PRRG1: variants seen among roughly 807,000 people sequenced by gnomAD.
The protein encoded by PRRG1 is proline rich and Gla domain 1.
A neutral mutation model predicts 11.8 loss-of-function variants in PRRG1; 5 were observed. The ratio of observed to expected loss-of-function variants is 0.42; its 90% CI spans 0.22 to 0.89. The LOEUF is 0.89. Ranked by LOEUF, PRRG1 falls within the 40% of genes least tolerant of loss-of-function variation. The probability of loss-of-function intolerance (pLI) is 0.28; values close to 1 mark genes in which losing one functional copy is unlikely to be tolerated. For synonymous variants in PRRG1, 66 were observed against 60.4 expected, an observed-to-expected ratio of 1.09 and a Z score of -0.43; for missense variants, 155 against 166.1, an observed-to-expected ratio of 0.93 and a Z score of 0.37.
intron 1 of PRRG1, among the ~76,000 whole-genome samples, chrX:37,404,197 C>G (rs1168750177): frequency 1.8e-5 from 2 of 111,799 alleles, no homozygotes; most frequent in Non-Finnish European, 3.8e-5. Context: ...TCTCTGATAT[C>G]ACTGTCCCTG....
intron 3 of PRRG1, chrX:37,440,655 T>C: frequency 2.2e-6 from 1 of 456,835 alleles, no homozygotes; most frequent in Non-Finnish European, 3.8e-6. Context: ...AGGAGGGTAT[T>C]AAGTAAAATG....
intron 1 of PRRG1, among the ~76,000 whole-genome samples, chrX:37,378,069 A>G (rs1805874649): frequency 8.9e-6 from 1 of 112,296 alleles, no homozygotes; most frequent in South Asian, 3.7e-4. Flanking sequence ...CAGAATAGCA[A>G]GGTGAGTAAG....
chrX:37,437,562 T>A (rs1267170699), intron 3 of PRRG1, among the ~76,000 whole-genome samples: 2 of 112,465 alleles, frequency 1.8e-5, no homozygotes, highest in Non-Finnish European at 3.8e-5. Context: ...TAAGCAGTAC[T>A]GTCATGGTTA....
At chrX:37,401,741 G>A (rs1255986764) in intron 1 of PRRG1, among the ~76,000 whole-genome samples, 3 of 111,036 alleles carry the variant, frequency 2.7e-5, no homozygotes, top group Non-Finnish European at 3.8e-5. Flanking sequence ...AAACCCCATT[G>A]TCTCAGCCCA....
intron 3 of PRRG1, among the ~76,000 whole-genome samples, chrX:37,447,005 C>T (rs1202081754): frequency 9.0e-6 from 1 of 111,384 alleles, no homozygotes; most frequent in East Asian, 2.8e-4. Flanking sequence ...CCCAACACTG[C>T]CACGCTGGTA....
intron 1 of PRRG1, among the ~76,000 whole-genome samples, chrX:37,371,214 A>G: frequency 8.9e-6 from 1 of 111,790 alleles, no homozygotes; most frequent in South Asian, 3.8e-4. Context: ...CAAGGAAAGG[A>G]TGAGATGTCC....
In PRRG1 at chrX:37,455,559, T is replaced by C. The variant is rs1921322832; in HGVS notation, c.*1938T>C. The C allele has an allele frequency of 8.9e-6, 1 of 112,070 alleles. No homozygotes were observed. Among genetic ancestry groups the C allele is most frequent in the Admixed American group, 9.5e-5 (1 of 10,536 alleles). 9.2% of individuals were successfully genotyped at this position (112,070 alleles called of 1,213,427 possible). On this transcript the variant is annotated 3_prime_UTR_variant, in exon 4 of 4. Transcript: ENST00000378628. ...TTCTGAAACTGTGCCAACTGAAAGA[T>C]GATAGTCCACACAGCACAAACAGGT...
intron 1 of PRRG1, among the ~76,000 whole-genome samples, chrX:37,402,190 C>T (rs1185422073): frequency 2.7e-5 from 3 of 111,307 alleles, no homozygotes; most frequent in Non-Finnish European, 5.7e-5. Flanking sequence ...CAATCCTAAG[C>T]CAAAAGAACA....
At chrX:37,359,738 C>T (rs1196644173) in intron 1 of PRRG1, among the ~76,000 whole-genome samples, 4 of 111,592 alleles carry the variant, frequency 3.6e-5, no homozygotes, top group Non-Finnish European at 5.7e-5. Context: ...TAGAATTCAG[C>T]GGTAAACCCA....
intron 2 of PRRG1, among the ~76,000 whole-genome samples, chrX:37,416,564 A>G (rs1932503586): frequency 8.9e-6 from 1 of 112,060 alleles, no homozygotes; most frequent in Admixed American, 9.5e-5. Flanking sequence ...TGCTGGTACA[A>G]TTGAGGCACC....
At chrX:37,372,985 T>C (rs116084276) in intron 1 of PRRG1, among the ~76,000 whole-genome samples, 4,753 of 112,201 alleles carry the variant, frequency 0.042, 261 homozygotes, top group African/African-American at 0.15. Flanking sequence ...TAGTGTGAGA[T>C]AATGGTCCAG....
rs546346509 is a variant in PRRG1, at chrX:37,382,798, A to C, written c.-41-23411A>C. Among the ~76,000 whole-genome samples, 5 of 111,628 alleles carry C rather than the reference A, an allele frequency of 4.5e-5. No homozygotes were observed. In the Admixed American group the frequency reaches 4.8e-4, roughly 11 times the overall value. On this transcript the variant is annotated intron_variant, in intron 1 of 3. Transcript: ENST00000378628. Reference sequence around the variant, plus strand: ...CAAATAAGATACACATGATTTCTGAAAGCATTAACTAAAATAGGACATCAT... The same window carrying C: ...CAAATAAGATACACATGATTTCTGACAGCATTAACTAAAATAGGACATCAT...
chrX:37,385,750 A>G (rs1393161108), intron 1 of PRRG1, among the ~76,000 whole-genome samples: 1 of 108,562 alleles, frequency 9.2e-6, no homozygotes, highest in African/African-American at 3.4e-5. Context: ...TCTGCTTCCA[A>G]GATGGCTTCC....
chrX:37,428,058 C>T (rs57819647), intron 3 of PRRG1, among the ~76,000 whole-genome samples: 3,945 of 110,882 alleles, frequency 0.036, 173 homozygotes, highest in African/African-American at 0.12. Flanking sequence ...GAGAACAGCA[C>T]GGGAAAGACT....
At chrX:37,442,233 T>C in intron 3 of PRRG1, 1 of 752,029 alleles carries the variant, frequency 1.3e-6, no homozygotes, top group Non-Finnish European at 1.6e-6. Flanking sequence ...AATAAAGGTG[T>C]CCAGTTGATG....
intron 2 of PRRG1, among the ~76,000 whole-genome samples, chrX:37,411,071 C>G (rs1556383669): frequency 9.0e-6 from 1 of 111,510 alleles, no homozygotes; most frequent in Admixed American, 9.6e-5. Flanking sequence ...TCTGTAGGTT[C>G]CACATCTGTA....
At chrX:37,440,138 G>C (rs1932949496) in intron 3 of PRRG1, among the ~76,000 whole-genome samples, 1 of 111,669 alleles carries the variant, frequency 9.0e-6, no homozygotes, top group Admixed American at 9.5e-5. Flanking sequence ...TGTCCTTTGG[G>C]ATAGACAAAG....
chrX:37,365,198 C>G (rs1556368945), intron 1 of PRRG1, among the ~76,000 whole-genome samples: 1 of 111,370 alleles, frequency 9.0e-6, no homozygotes, highest in Admixed American at 9.5e-5. Flanking sequence ...TTCTGGTGAA[C>G]AAGGGCCCTG....
intron 2 of PRRG1, among the ~76,000 whole-genome samples, chrX:37,407,678 A>G (rs1458514751): frequency 8.9e-6 from 1 of 112,127 alleles, no homozygotes; most frequent in Non-Finnish European, 1.9e-5. Context: ...AGAGTTCTAA[A>G]GTGTAATGGA....
Sources: gnomAD v4.1 joint callset for allele counts (sites outside exome capture counted in the v4.1 genomes callset) on GRCh38, gnomAD v4.1.1 for gene constraint, MANE v1.5 for transcripts, NCBI Gene and HGNC (gene_info 2026-07-23, HGNC 2026-07-21) for gene names.